Variants in CADM2 observed in about 807,000 individuals in gnomAD.
CADM2 encodes the protein cell adhesion molecule 2, also known as immunoglobulin superfamily member 4D.
A neutral mutation model predicts 49.8 loss-of-function variants in CADM2; 12 were observed. The observed-to-expected ratio is 0.24, with a 90% CI of 0.15 to 0.39. The LOEUF (loss-of-function observed/expected upper bound fraction) is 0.39, where lower values mean the gene tolerates loss of function less well. Ranked by LOEUF, CADM2 falls within the 10% of genes least tolerant of loss-of-function variation. The pLI is 1.00. For synonymous variants in CADM2, 214 were observed against 175.4 expected (o/e 1.22, Z -1.74); for missense variants, 378 against 492.3 (o/e 0.77, Z 2.20).
chr3:85,721,384 T>C (rs1262553041), intron 1 of CADM2, among the ~76,000 whole-genome samples: 1 of 151,976 alleles, frequency 6.6e-6, no homozygotes, highest in Non-Finnish European at 1.5e-5. Context: ...TGGTGGCACC[T>C]TTCCTGTGTT....
At chr3:85,837,320 C>T (rs2074455386) in intron 3 of CADM2, among the ~76,000 whole-genome samples, 1 of 151,512 alleles carries the variant, frequency 6.6e-6, no homozygotes, top group Admixed American at 6.6e-5. Context: ...TTTCATGCTT[C>T]TCAAGTAGAA....
chr3:85,625,587 G>A (rs59236167), intron 1 of CADM2, among the ~76,000 whole-genome samples: 4,791 of 152,028 alleles, frequency 0.032, 189 homozygotes, highest in South Asian at 0.1. Context: ...GCACACCTCA[G>A]CGAGGATGTC....
intron 1 of CADM2, among the ~76,000 whole-genome samples, chr3:85,483,907 G>A (rs190156761): frequency 9.9e-5 from 15 of 151,522 alleles, no homozygotes; most frequent in African/African-American, 3.4e-4. Flanking sequence ...AAAACTCGAA[G>A]GCCTGTAATT....
intron 1 of CADM2, among the ~76,000 whole-genome samples, chr3:85,474,418 T>C (rs906945575): frequency 6.6e-6 from 1 of 151,932 alleles, no homozygotes; most frequent in Non-Finnish European, 1.5e-5. Context: ...TCATATTCAT[T>C]ATGGAAGGTA....
intron 1 of CADM2, among the ~76,000 whole-genome samples, chr3:85,048,782 T>C (rs2035764091): frequency 6.6e-6 from 1 of 152,116 alleles, no homozygotes; most frequent in Non-Finnish European, 1.5e-5. Context: ...TGCTATTCCA[T>C]GAAACATAAA....
chr3:85,858,020 T>A (rs1227379865), intron 3 of CADM2, among the ~76,000 whole-genome samples: 1 of 152,214 alleles, frequency 6.6e-6, no homozygotes, highest in African/African-American at 2.4e-5. Flanking sequence ...TCAGTCCTAA[T>A]CATTTTACTT....
intron 1 of CADM2, among the ~76,000 whole-genome samples, chr3:85,559,672 ACACACACAC>A (rs2062043578): frequency 2.1e-5 from 2 of 93,758 alleles, no homozygotes; most frequent in Admixed American, 2.4e-4. Flanking sequence ...ACACACACAC[ACACACACAC>A]ACACACATAT....
intron 8 of CADM2, among the ~76,000 whole-genome samples, chr3:86,037,770 A>T (rs1010986363): frequency 6.6e-6 from 1 of 152,194 alleles, no homozygotes; most frequent in African/African-American, 2.4e-5. Flanking sequence ...ACACTTCCAA[A>T]AACTATTAGA....
intron 1 of CADM2, among the ~76,000 whole-genome samples, chr3:85,626,575 C>G (rs1022056914): frequency 1.3e-5 from 2 of 151,676 alleles, no homozygotes; most frequent in African/African-American, 4.8e-5. Flanking sequence ...ACCTGATATC[C>G]TAAAAATATT....
intron 1 of CADM2, among the ~76,000 whole-genome samples, chr3:85,404,675 A>G (rs1448442866): frequency 6.6e-6 from 1 of 152,164 alleles, no homozygotes; most frequent in Non-Finnish European, 1.5e-5. Flanking sequence ...AAAATATAGA[A>G]GTATTGATAA....
chr3:85,508,613 T>G (rs189733794), intron 1 of CADM2, among the ~76,000 whole-genome samples: 115 of 152,330 alleles, frequency 7.5e-4, no homozygotes, highest in Non-Finnish European at 6.6e-4. Flanking sequence ...TGCTTTCGGC[T>G]AGAAGATTAG....
rs116191133 is a variant in CADM2, at chr3:85,605,471, G to C, written c.62-121051G>C. Among the ~76,000 whole-genome samples, 467 of 152,118 alleles carry C rather than the reference G, an allele frequency of 3.1e-3. 4 individuals carry two copies. Among genetic ancestry groups the C allele is most frequent in the African/African-American group, 0.011 (451 of 41,534 alleles). On this transcript the variant is annotated intron_variant, in intron 1 of 9. Coordinates refer to ENST00000383699, the MANE Select transcript of CADM2 (RefSeq NM_001167675.2). Reference sequence around the variant, plus strand: ...AATGTTGAAAGGGATTTTAGGGCTCGTATGGTCCAATCCATAAGTTGATAT... The same window carrying C: ...AATGTTGAAAGGGATTTTAGGGCTCCTATGGTCCAATCCATAAGTTGATAT...
intron 8 of CADM2, among the ~76,000 whole-genome samples, chr3:86,044,034 T>C (rs1191543967): frequency 6.6e-6 from 1 of 152,154 alleles, no homozygotes; most frequent in East Asian, 1.9e-4. Flanking sequence ...CTGGATCCCT[T>C]CCTTACACCT....
intron 1 of CADM2, among the ~76,000 whole-genome samples, chr3:85,167,717 A>G (rs926600805): frequency 5.3e-5 from 8 of 152,218 alleles, no homozygotes; most frequent in Non-Finnish European, 2.9e-5. Flanking sequence ...GTTCAGTACT[A>G]TTCAATACCT....
chr3:85,135,020 G>A (rs1221381969), intron 1 of CADM2, among the ~76,000 whole-genome samples: 1 of 151,694 alleles, frequency 6.6e-6, no homozygotes, highest in Non-Finnish European at 1.5e-5. Context: ...TTATTAATTT[G>A]TGTAATTTTT....
At chr3:85,782,176 A>G (rs1298690789) in intron 2 of CADM2, among the ~76,000 whole-genome samples, 1 of 152,174 alleles carries the variant, frequency 6.6e-6, no homozygotes, top group Non-Finnish European at 1.5e-5. Flanking sequence ...GTGCTTATGC[A>G]CTTTGCTATT....
At chr3:85,430,412 G>A (rs2036605380) in intron 1 of CADM2, among the ~76,000 whole-genome samples, 1 of 152,046 alleles carries the variant, frequency 6.6e-6, no homozygotes, top group African/African-American at 2.4e-5. Flanking sequence ...CAGTGCTTTG[G>A]GAGGCTGAGG....
intron 1 of CADM2, among the ~76,000 whole-genome samples, chr3:85,177,988 A>T (rs535912630): frequency 1.3e-5 from 2 of 151,974 alleles, no homozygotes; most frequent in Non-Finnish European, 2.9e-5. Flanking sequence ...ATGCAATATG[A>T]TTCCTAGTAT....
intron 1 of CADM2, among the ~76,000 whole-genome samples, chr3:85,369,447 A>T (rs1435179526): frequency 6.6e-6 from 1 of 152,170 alleles, no homozygotes; most frequent in Non-Finnish European, 1.5e-5. Flanking sequence ...AGCTTGGCCA[A>T]CATGGCGAAA....
Sources: gnomAD v4.1 joint callset for allele counts (sites outside exome capture counted in the v4.1 genomes callset) on GRCh38, gnomAD v4.1.1 for gene constraint, MANE v1.5 for transcripts, NCBI Gene and HGNC (gene_info 2026-07-23, HGNC 2026-07-21) for gene names.